The following PAN3 variants were observed in gnomAD, a reference collection of about 807,000 sequenced individuals.
The protein encoded by PAN3 is PAN2-PAN3 deadenylation complex subunit PAN3.
Under a neutral mutation model 96.2 loss-of-function variants are expected in PAN3, and 19 were observed. That is an observed-to-expected ratio of 0.20 (90% CI 0.14 to 0.29). PAN3 has a LOEUF of 0.29. Among genes scored for constraint, PAN3 ranks in the 10% least tolerant of loss-of-function variants. The pLI is 1.00. For missense variants in PAN3, 882 were observed against 1,108.1 expected (o/e 0.80, Z 2.90); for synonymous variants, 433 against 406.6 (o/e 1.06, Z -0.78).
intron 4 of PAN3, among the ~76,000 whole-genome samples, chr13:28,183,998 A>C (rs181496255): frequency 6.6e-6 from 1 of 152,176 alleles, no homozygotes; most frequent in East Asian, 1.9e-4. Flanking sequence ...GCTGTACTAA[A>C]ATTGTCCTCT....
At chr13:28,228,517 A>T (rs1385334018) in intron 6 of PAN3, among the ~76,000 whole-genome samples, 2 of 152,144 alleles carry the variant, frequency 1.3e-5, no homozygotes, top group African/African-American at 4.8e-5. Flanking sequence ...ACATATTGAT[A>T]TGTCTGAAAT....
chr13:28,196,628 G>A (rs1372648432), intron 4 of PAN3, among the ~76,000 whole-genome samples: 2 of 150,914 alleles, frequency 1.3e-5, no homozygotes, highest in Non-Finnish European at 2.9e-5. Context: ...AGAGTGAGTT[G>A]TACTCAAGTC....
chr13:28,189,422 A>G (rs1185716417), intron 4 of PAN3, among the ~76,000 whole-genome samples: 2 of 152,104 alleles, frequency 1.3e-5, no homozygotes, highest in Non-Finnish European at 2.9e-5. Context: ...TGGCTGAGCC[A>G]GGAGAATGGC....
At chr13:28,248,095 A>G (rs1884378760) in intron 6 of PAN3, among the ~76,000 whole-genome samples, 1 of 152,014 alleles carries the variant, frequency 6.6e-6, no homozygotes, top group Non-Finnish European at 1.5e-5. Context: ...AGTTTCTTTC[A>G]TCAGTGTTTT....
At chr13:28,252,858 T>C (rs1322992984) in intron 6 of PAN3, among the ~76,000 whole-genome samples, 2 of 152,206 alleles carry the variant, frequency 1.3e-5, no homozygotes, top group African/African-American at 4.8e-5. Context: ...ATTGTTGTTA[T>C]GCTGATCTTC....
chr13:28,256,363 A>G lies in PAN3; in HGVS notation c.1072A>G (p.Arg358Gly). ...TACTCCACATACTTCTCCTGCTCCC[A>G]GAAGAAGAAGTCACACTCCAAATCC... is the stretch of plus-strand genomic sequence containing the variant. The part of the protein sequence containing the change: ...KITPHTSPAP[R>G]RRSHTPNPAS... Residue 358 changes from arginine to glycine, a missense_variant, in exon 7 of 19, where the codon AGA becomes GGA. This residue lies in a region of PAN3 where 364 missense variants were observed against 513.6 expected (regional missense o/e 0.71). Transcript: ENST00000380958. 1 of 1,613,782 alleles carries G rather than the reference A, an allele frequency of 6.2e-7. No individual in the cohort carries two copies. Among genetic ancestry groups the G allele is most frequent in the Non-Finnish European group, 8.5e-7 (1 of 1,179,702 alleles).
At chr13:28,185,828 A>G (rs187826708) in intron 4 of PAN3, among the ~76,000 whole-genome samples, 8 of 152,324 alleles carry the variant, frequency 5.3e-5, no homozygotes, top group Non-Finnish European at 1.0e-4. Context: ...AAACTAGTAG[A>G]TCATTCTAAG....
intron 1 of PAN3, among the ~76,000 whole-genome samples, chr13:28,171,438 G>A (rs1382171383): frequency 6.6e-6 from 1 of 152,126 alleles, no homozygotes; most frequent in East Asian, 1.9e-4. Flanking sequence ...GCTCAGTCAC[G>A]CAAGACTGCT....
intron 6 of PAN3, among the ~76,000 whole-genome samples, chr13:28,235,408 C>G (rs1191382528): frequency 5.9e-5 from 9 of 152,272 alleles, no homozygotes; most frequent in Non-Finnish European, 2.9e-5. Flanking sequence ...GGACCTCACT[C>G]TTTTATGAAG....
At chr13:28,215,312 A>T in intron 5 of PAN3, 2 of 731,638 alleles carry the variant, frequency 2.7e-6, no homozygotes, top group Non-Finnish European at 5.1e-6. Flanking sequence ...CTGTGGACCG[A>T]GTGGAGACTG....
chr13:28,169,792 TA>T (rs1340274699), intron 1 of PAN3, among the ~76,000 whole-genome samples: 1 of 152,042 alleles, frequency 6.6e-6, no homozygotes, highest in African/African-American at 2.4e-5. Flanking sequence ...CTCACGCCTG[TA>T]ATCCCAGCAC....
At chr13:28,275,966 T>C (rs1193209000) in intron 14 of PAN3, among the ~76,000 whole-genome samples, 1 of 151,292 alleles carries the variant, frequency 6.6e-6, no homozygotes, top group Non-Finnish European at 1.5e-5. Flanking sequence ...AGTAATGGAG[T>C]TTAACGTCTT....
chr13:28,214,317 CTAAA>C (rs755270252), intron 5 of PAN3, among the ~76,000 whole-genome samples: 2 of 152,142 alleles, frequency 1.3e-5, no homozygotes, highest in Non-Finnish European at 1.5e-5. Context: ...TGGAAACAAT[CTAAA>C]TATCTAATGG....
intron 1 of PAN3, among the ~76,000 whole-genome samples, chr13:28,153,533 A>G (rs372050372): frequency 2.6e-5 from 4 of 152,154 alleles, no homozygotes; most frequent in African/African-American, 9.6e-5. Context: ...CACCATCCCC[A>G]GTCGTAATAC....
chr13:28,274,694 C>A (rs561595147), intron 14 of PAN3, among the ~76,000 whole-genome samples: 53 of 152,256 alleles, frequency 3.5e-4, no homozygotes, highest in African/African-American at 1.3e-3. Flanking sequence ...TTCATAAAAT[C>A]AGGCAACCTT....
chr13:28,264,175 A>G (rs542402919), intron 9 of PAN3, among the ~76,000 whole-genome samples: 1 of 146,548 alleles, frequency 6.8e-6, no homozygotes, highest in Non-Finnish European at 1.5e-5. Flanking sequence ...ATACTTTTAT[A>G]ATTATTTATA....
intron 14 of PAN3, among the ~76,000 whole-genome samples, chr13:28,273,559 C>T (rs1042845649): frequency 6.6e-6 from 1 of 151,932 alleles, no homozygotes; most frequent in Non-Finnish European, 1.5e-5. Flanking sequence ...TGAGATCGCA[C>T]CACTGCACTC....
At chr13:28,148,189 C>T (rs1870922661) in intron 1 of PAN3, among the ~76,000 whole-genome samples, 1 of 152,078 alleles carries the variant, frequency 6.6e-6, no homozygotes, top group Admixed American at 6.6e-5. Flanking sequence ...CTCCTGGGCT[C>T]AAGTGATCCT....
chr13:28,199,721 C>T (rs1365833403), intron 5 of PAN3, among the ~76,000 whole-genome samples: 3 of 151,978 alleles, frequency 2.0e-5, no homozygotes, highest in Admixed American at 1.3e-4. Flanking sequence ...AAGTAACTTA[C>T]CAATTCCATA....
Sources: allele counts gnomAD v4.1 joint callset (sites outside exome capture counted in the v4.1 genomes callset), GRCh38; gene constraint gnomAD v4.1.1; regional missense constraint gnomAD v4.1.1; transcripts MANE v1.5; gene names NCBI Gene and HGNC (gene_info 2026-07-23, HGNC 2026-07-21).